ALKAL2: variants seen among roughly 807,000 people sequenced by gnomAD.
ALKAL2 encodes the protein ALK and LTK ligand 2, also known as AUG-alpha.
ALKAL2 carries 8 observed loss-of-function variants against 18.5 expected under a neutral mutation model. The ratio of observed to expected loss-of-function variants is 0.43; its 90% CI spans 0.25 to 0.78. The LOEUF (loss-of-function observed/expected upper bound fraction) is 0.78, where lower values mean the gene tolerates loss of function less well. ALKAL2 is among the 30% of genes least tolerant of loss of function. The pLI, the probability that ALKAL2 is intolerant of heterozygous loss-of-function variation, is 0.22. For synonymous variants in ALKAL2, 135 were observed against 95.8 expected (o/e 1.41, Z -2.39); for missense variants, 241 against 211.2 (o/e 1.14, Z -0.88).
In ALKAL2 at chr2:287,616, C is replaced by A; in HGVS notation, c.220G>T (p.Ala74Ser). 6.8e-7 allele frequency: 1 copy of A among 1,477,742 alleles called. No individual in the cohort carries two copies. The highest frequency in any genetic ancestry group is 8.9e-7 in the Non-Finnish European group (1 of 1,120,266). 91.5% of individuals were successfully genotyped at this position (1,477,742 alleles called of 1,614,324 possible). ...RDCALGRAEA[A>S]GLGPSPEQRV... ...TGCTCCGGCGAAGGCCCCAGCCCCG[C>A]CGCCTCCGCGCGGCCCAGGGCGCAG... Residue 74 changes from alanine to serine, a missense_variant, in exon 2 of 6, where the codon GCG (alanine) becomes TCG (serine). Coordinates refer to ENST00000403610, the MANE Select transcript of ALKAL2 (RefSeq NM_001002919.3).
Position 286,340 on chromosome 2 carries a change from A to T in ALKAL2, c.257T>A (p.Ile86Asn). ...LGPSPEQRVE[I>N]VPRDLRMKDK... is the part of the protein sequence containing the mutation. ...CTTCATCCTCAGATCTCGAGGAACA[A>T]TTTCTGTTTCAGGGAAAAGAAAGTA... Residue 86 changes from isoleucine (I) to asparagine (N), a missense_variant, in exon 3 of 6, where the codon ATT becomes AAT. Transcript: ENST00000403610. 6.2e-7 allele frequency: 1 copy of T among 1,609,332 alleles called. No individual in the cohort carries two copies. The highest frequency in any genetic ancestry group is 8.5e-7 in the Non-Finnish European group (1 of 1,177,564).
rs377467726 is a variant in ALKAL2 at position 286,153 on chromosome 2, G to A, written c.358C>T (p.His120Tyr). 8 of 1,613,932 alleles carry A rather than the reference G, an allele frequency of 5.0e-6. No homozygotes were observed. The highest frequency in any genetic ancestry group is 6.8e-6 in the Non-Finnish European group (8 of 1,179,820). ...KCSKHFHRLY[H>Y]NTRDCTIPAY... is the part of the protein sequence containing the mutation. ...GGAATGGTGCAGTCTCTGGTGTTGT[G>A]ATAAAGTCTATGGAAGTGTTTGCTG... Residue 120 changes from histidine (H) to tyrosine (Y), a missense_variant, in exon 4 of 6, where the codon CAC (histidine) becomes TAC (tyrosine). Physicochemically the swap from His to Tyr is moderately conservative, Grantham distance 83. Transcript: ENST00000403610.
chr2:280,840 G>A (rs1304650607), intron 5 of ALKAL2, among the ~76,000 whole-genome samples: 1 of 152,262 alleles, frequency 6.6e-6, no homozygotes, highest in East Asian at 1.9e-4. Flanking sequence ...TTGCTCTGAG[G>A]TGAGGAGGGC....
At chr2:283,356 G>A in intron 4 of ALKAL2, 181 bp from the exon 5 acceptor site, 4 of 985,382 alleles carry the variant, frequency 4.1e-6, no homozygotes, top group Non-Finnish European at 4.8e-6. Context: ...AATTTATGGT[G>A]CTTCAAGGGC....
In ALKAL2 at chr2:287,775, G is replaced by GGCCCCCCCCCCC; in HGVS notation, c.60_61insGGGGGGGGGGGC (p.Gly20_Arg21insGlyGlyGlyGly). 2 of 1,406,604 alleles carry GGCCCCCCCCCCC rather than the reference G, an allele frequency of 1.4e-6. No homozygotes were observed. Among genetic ancestry groups the GGCCCCCCCCCCC allele is most frequent in the Non-Finnish European group, 1.8e-6 (2 of 1,085,678 alleles). The allele number at this position is 1,406,604 out of a possible 1,614,324, so 87.1% of individuals were successfully genotyped here. On this transcript the variant is annotated inframe_insertion, in exon 2 of 6. Transcript: ENST00000403610. ...CGGGGCTCCGCGCCCCCCCGGCCGC[G>GGCCCCCCCCCCC]CCCCGCCGCCCCCAGCACCAGCAGC...
intron 5 of ALKAL2, among the ~76,000 whole-genome samples, chr2:281,377 CCTTGT>C (rs1406033240): frequency 2.0e-5 from 3 of 152,130 alleles, no homozygotes; most frequent in African/African-American, 7.2e-5. Flanking sequence ...CGAGCCTGGG[CCTTGT>C]CTTGTTACCT....
At chr2:282,902 G>A (rs1404749942) in intron 5 of ALKAL2, among the ~76,000 whole-genome samples, 1 of 152,246 alleles carries the variant, frequency 6.6e-6, no homozygotes, top group Non-Finnish European at 1.5e-5. Context: ...GTGCCATGCA[G>A]TGAGCAGTTA....
intron 4 of ALKAL2, 42 bp downstream of exon 4, chr2:286,081 C>T: frequency 6.5e-7 from 1 of 1,549,070 alleles, no homozygotes; most frequent in Non-Finnish European, 8.9e-7. Context: ...CCGCTGCCTG[C>T]ACTGCTCTTG....
intron 4 of ALKAL2, among the ~76,000 whole-genome samples, chr2:285,164 C>T (rs546800866): frequency 1.3e-5 from 2 of 152,372 alleles, no homozygotes; most frequent in South Asian, 4.1e-4. Flanking sequence ...GACGCTACTT[C>T]AGTGGGCCAA....
At chr2:280,818 C>T (rs774535795) in intron 5 of ALKAL2, among the ~76,000 whole-genome samples, 2 of 152,184 alleles carry the variant, frequency 1.3e-5, no homozygotes, top group African/African-American at 2.4e-5. Flanking sequence ...CTTCAGAACG[C>T]GGCAAATGGA....
chr2:286,514 A>G (rs1670513506), intron 2 of ALKAL2, 171 bp from the exon 3 acceptor site: 4 of 556,604 alleles, frequency 7.2e-6, no homozygotes, highest in African/African-American at 1.9e-5. Flanking sequence ...AGAAGACTCA[A>G]TATCAGGGAC....
chr2:286,279 A>G lies in ALKAL2; in HGVS notation c.307+11T>C, dbSNP rs1375324669. The G allele has an allele frequency of 6.2e-7, 1 of 1,612,176 alleles. No homozygotes were observed. ...GCTCTGGGAGACGTGAGGAACGAGG[A>G]GAAAACTTACCTGTAAGGTGTTTTA... On this transcript the variant is annotated intron_variant, in intron 3 of 5. Coordinates refer to ENST00000403610, the MANE Select transcript of ALKAL2 (RefSeq NM_001002919.3).
chr2:282,545 G>A (rs1428097968), intron 5 of ALKAL2, among the ~76,000 whole-genome samples: 1 of 152,084 alleles, frequency 6.6e-6, no homozygotes. Flanking sequence ...GGTGTTAAAT[G>A]TTGCATATCA....
chr2:285,628 G>T (rs900669851), intron 4 of ALKAL2, among the ~76,000 whole-genome samples: 2 of 152,176 alleles, frequency 1.3e-5, no homozygotes, highest in African/African-American at 4.8e-5. Context: ...TGTTGATAAG[G>T]GCAGCTCTGC....
At position 279,805 on chromosome 2, in the gene ALKAL2, A is replaced by T. The variant is rs1308999265; in HGVS notation, c.*342T>A. On this transcript the variant is annotated 3_prime_UTR_variant, in exon 6 of 6. Coordinates refer to ENST00000403610, the MANE Select transcript of ALKAL2 (RefSeq NM_001002919.3). The stretch of plus-strand genomic sequence containing the variant: ...ATTATGTTATATGAAAATATACTTT[A>T]AGATTCTGCTTATGTTTCTAAAGAA... 3 of 262,314 alleles carry T rather than the reference A, an allele frequency of 1.1e-5. No individual in the cohort carries two copies. Among genetic ancestry groups the T allele is most frequent in the African/African-American group, 6.5e-5 (3 of 46,096 alleles). The allele number at this position is 262,314 out of a possible 1,614,324, so 16.2% of individuals were successfully genotyped here. A position where few individuals can be genotyped will look rare whatever the true frequency, so the allele number is the denominator to read the frequency against.
At position 287,647 on chromosome 2, in the gene ALKAL2, C is replaced by G; in HGVS notation, c.189G>C (p.Gly63=). The change falls in exon 2 of 6, where the codon GGG becomes GGC. Residue 63 remains glycine, a synonymous_variant. Transcript: ENST00000403610. The part of the protein sequence containing the change: ...SAEHKGLQLL[G]RDCALGRAEA... ...CCGCGCGGCCCAGGGCGCAGTCCCGCCCGAGGAGCTGCAGGCCCTTGTGCT... is the reference window on the plus strand; with the variant it reads ...CCGCGCGGCCCAGGGCGCAGTCCCGGCCGAGGAGCTGCAGGCCCTTGTGCT... 2.7e-6 allele frequency: 4 copies of G among 1,482,060 alleles called. No individual in the cohort carries two copies. Among genetic ancestry groups the G allele is most frequent in the African/African-American group, 1.5e-5 (1 of 68,470 alleles). 91.8% of individuals were successfully genotyped at this position (1,482,060 alleles called of 1,614,324 possible). A position where few individuals can be genotyped will look rare whatever the true frequency, so the allele number is the denominator to read the frequency against.
chr2:287,083 G>A (rs1280576016), intron 2 of ALKAL2: 2 of 152,706 alleles, frequency 1.3e-5, no homozygotes, highest in African/African-American at 2.4e-5. Flanking sequence ...GCCCTCTGAA[G>A]AGGAGCATTC....
Position 280,170 on chromosome 2 carries a change from G to A in ALKAL2, c.454-18C>T. 1 of 1,613,916 alleles carries A rather than the reference G, an allele frequency of 6.2e-7. No individual in the cohort carries two copies. The highest frequency in any genetic ancestry group is 8.5e-7 in the Non-Finnish European group (1 of 1,179,836). On this transcript the variant is annotated intron_variant, in intron 5 of 5. Coordinates refer to ENST00000403610, the MANE Select transcript of ALKAL2 (RefSeq NM_001002919.3). ...GCTCACTGCTGAAAACAAATACATT[G>A]CGTGTGATATGACTATCCACACTTC...
At chr2:284,967 T>C (rs1670459529) in intron 4 of ALKAL2, among the ~76,000 whole-genome samples, 1 of 152,134 alleles carries the variant, frequency 6.6e-6, no homozygotes, top group Non-Finnish European at 1.5e-5. Flanking sequence ...CAGGTGCACA[T>C]GGAAGGGTGG....
Sources: gnomAD v4.1 joint callset for allele counts (sites outside exome capture counted in the v4.1 genomes callset) on GRCh38, gnomAD v4.1.1 for gene constraint, MANE v1.5 for transcripts, NCBI Gene and HGNC (gene_info 2026-07-23, HGNC 2026-07-21) for gene names.